BRSK1: variants seen among roughly 807,000 people sequenced by gnomAD.
The protein encoded by BRSK1 is serine/threonine-protein kinase BRSK1.
Under a neutral mutation model 86.2 loss-of-function variants are expected in BRSK1, and 17 were observed. That is an observed-to-expected ratio of 0.20 (90% CI 0.14 to 0.30). The LOEUF is 0.30. Among genes scored for constraint, BRSK1 ranks in the 10% least tolerant of loss-of-function variants. The pLI, the probability that BRSK1 is intolerant of heterozygous loss-of-function variation, is 1.00. For missense variants in BRSK1, 719 were observed against 1,071.9 expected (o/e 0.67, Z 4.60); for synonymous variants, 464 against 440.1 (o/e 1.05, Z -0.68).
Position 55,302,461 on chromosome 19 carries a change from C to T in BRSK1, c.858-236C>T. On this transcript the variant is annotated intron_variant, in intron 9 of 18. Coordinates refer to ENST00000309383, the MANE Select transcript of BRSK1 (RefSeq NM_032430.2). This position sits in a 1 kb window ranked among gnomAD's most constrained non-coding sequence, Gnocchi z 6.3. ...GGGCTGGGGGCCTGGACTTCTGGGT[C>T]TGAAGAAGGAGGGGCCGGGGGCCTG... The T allele has an allele frequency of 1.6e-6, 1 of 617,930 alleles. No individual in the cohort carries two copies. The highest frequency in any genetic ancestry group is 2.8e-6 in the Non-Finnish European group (1 of 357,242). The allele number at this position is 617,930 out of a possible 1,614,324, so 38.3% of individuals were successfully genotyped here.
intron 1 of BRSK1, among the ~76,000 whole-genome samples, chr19:55,286,091 G>C (rs1301202429): frequency 9.0e-6 from 1 of 111,220 alleles, no homozygotes; most frequent in African/African-American, 4.1e-5. Flanking sequence ...GGCCTGGAGT[G>C]CTGGGTCTGA....
chr19:55,298,297 G>A (rs1016777856), intron 7 of BRSK1, among the ~76,000 whole-genome samples: 4 of 132,732 alleles, frequency 3.0e-5, no homozygotes, highest in African/African-American at 1.2e-4. Flanking sequence ...GATCTTCTTC[G>A]CGGCAACCTC....
In BRSK1 at chr19:55,303,164, T is replaced by TG; in HGVS notation, c.1029-147_1029-146insG. On this transcript the variant is annotated intron_variant, in intron 10 of 18. Transcript: ENST00000309383. This position sits in a 1 kb window ranked among gnomAD's most constrained non-coding sequence, Gnocchi z 5.1. Reference sequence around the variant, plus strand: ...AGTGAAACACAGCTGAGATGTACCCTAAACCAGAGAAACTGACCATACTGA... The same window carrying TG: ...AGTGAAACACAGCTGAGATGTACCCTGAAACCAGAGAAACTGACCATACTGA... 1.4e-6 allele frequency: 1 copy of TG among 690,154 alleles called. No individual in the cohort carries two copies. The highest frequency in any genetic ancestry group is 2.5e-6 in the Non-Finnish European group (1 of 407,252). The allele number at this position is 690,154 out of a possible 1,614,324, so 42.8% of individuals were successfully genotyped here.
At chr19:55,298,960 G>A (rs2088530161) in intron 7 of BRSK1, among the ~76,000 whole-genome samples, 1 of 152,156 alleles carries the variant, frequency 6.6e-6, no homozygotes, top group Non-Finnish European at 1.5e-5. Context: ...TAAGCTGGGT[G>A]CGGTGGCTCA....
chr19:55,309,380 G>A (rs2088730084), intron 18 of BRSK1, among the ~76,000 whole-genome samples: 1 of 152,220 alleles, frequency 6.6e-6, no homozygotes, highest in Admixed American at 6.5e-5. Flanking sequence ...AGAGCAGAGG[G>A]TTTGTTGCAA....
intron 4 of BRSK1, among the ~76,000 whole-genome samples, chr19:55,293,732 C>G (rs1381642980): frequency 6.6e-6 from 1 of 151,786 alleles, no homozygotes; most frequent in Non-Finnish European, 1.5e-5. Flanking sequence ...ATCACTTGGA[C>G]CCAGGAGACA....
Position 55,306,129 on chromosome 19 carries a change from C to T in BRSK1, c.1891-123C>T. On this transcript the variant is annotated intron_variant, in intron 16 of 18. Transcript: ENST00000309383. This position sits in a 1 kb window ranked among gnomAD's most constrained non-coding sequence, Gnocchi z 4.7. ...TTGCAGGCAGTGGGGCCTCCCAATG[C>T]ATTTCCTGTCCTTCTTTCCCTCCAG... 1.1e-6 allele frequency: 1 copy of T among 931,160 alleles called. No homozygotes were observed. Among genetic ancestry groups the T allele is most frequent in the East Asian group, 2.6e-5 (1 of 38,142 alleles). The allele number at this position is 931,160 out of a possible 1,614,324, so 57.7% of individuals were successfully genotyped here.
rs2122953296 is a variant in BRSK1 at position 55,294,205 on chromosome 19, C to T, written c.576-9C>T. 2.5e-6 allele frequency: 4 copies of T among 1,613,634 alleles called. No homozygotes were observed. The East Asian group carries it at 6.7e-5, about 27-fold the overall frequency. On this transcript the variant is annotated splice_polypyrimidine_tract_variant and intron_variant, in intron 5 of 18. Transcript: ENST00000309383. The surrounding 1 kb of genome is among the most constrained non-coding windows in gnomAD (Gnocchi z 4.9). ...CTGGCTGGAGGCTCACATCAGCTCT[C>T]TCCCTCAGGTCCCCCCATTATGCGT... is the stretch of plus-strand genomic sequence containing the variant.
At chr19:55,311,231 G>A (rs1396044884) in intron 18 of BRSK1, among the ~76,000 whole-genome samples, 1 of 152,112 alleles carries the variant, frequency 6.6e-6, no homozygotes, top group African/African-American at 2.4e-5. Context: ...CAAAATGCTG[G>A]GATTACAGGC....
rs1463934987 is a variant in BRSK1, at chr19:55,310,243, G to T, written c.2179+1515G>T. Reference sequence around the variant, plus strand: ...CTGCAGGCTAACAGGGTGCCTGGAGGGCTGCACCTGGAGGCTCTCTGGCAG... The same window carrying T: ...CTGCAGGCTAACAGGGTGCCTGGAGTGCTGCACCTGGAGGCTCTCTGGCAG... On this transcript the variant is annotated intron_variant, in intron 18 of 18. Coordinates refer to ENST00000309383, the MANE Select transcript of BRSK1 (RefSeq NM_032430.2). This position sits in a 1 kb window ranked among gnomAD's most constrained non-coding sequence, Gnocchi z 5.0. 6.6e-6 allele frequency among the ~76,000 whole-genome samples: 1 copy of T among 152,218 alleles called. No individual in the cohort carries two copies. Among genetic ancestry groups the T allele is most frequent in the Non-Finnish European group, 1.5e-5 (1 of 68,048 alleles).
intron 7 of BRSK1, among the ~76,000 whole-genome samples, chr19:55,299,081 G>A (rs923785292): frequency 2.0e-5 from 3 of 152,064 alleles, no homozygotes; most frequent in East Asian, 1.9e-4. Flanking sequence ...GCTTGAACCC[G>A]GGAGGCGGAG....
chr19:55,284,288 G>C lies in BRSK1; in HGVS notation c.-155G>C, dbSNP rs1055177235. 2.4e-5 allele frequency: 14 copies of C among 580,808 alleles called. No individual in the cohort carries two copies. In the South Asian group the frequency reaches 4.3e-4, roughly 18 times the overall value. 36.0% of individuals were successfully genotyped at this position (580,808 alleles called of 1,614,324 possible). ...CCCCCAGCTCCGCGGCCCGCCGACT[G>C]GGGGGGGCCAGCCCAGCCCCCTGGG... is the stretch of plus-strand genomic sequence containing the variant. On this transcript the variant is annotated 5_prime_UTR_variant, in exon 1 of 19. Coordinates refer to ENST00000309383, the MANE Select transcript of BRSK1 (RefSeq NM_032430.2).
rs142894930 is a variant in BRSK1 at position 55,302,804 on chromosome 19, G to C, written c.965G>C (p.Ser322Thr). Residue 322 changes from serine (S) to threonine (T), a missense_variant, in exon 10 of 19, where the codon AGC (serine) becomes ACC (threonine). By Grantham distance (58) the Ser-to-Thr change is moderately conservative. Around this residue, in one of 6 missense-constraint regions of BRSK1, gnomAD observed 168 missense variants for 246.3 expected, o/e 0.68. Coordinates refer to ENST00000309383, the MANE Select transcript of BRSK1 (RefSeq NM_032430.2). The surrounding 1 kb of genome is among the most constrained non-coding windows in gnomAD (Gnocchi z 6.3). Reference sequence around the variant, plus strand: ...GAGCTGGACCCCGACGTCCTAGAGAGCATGGCATCACTGGGCTGCTTCAGG... The same window carrying C: ...GAGCTGGACCCCGACGTCCTAGAGACCATGGCATCACTGGGCTGCTTCAGG... ...NGELDPDVLE[S>T]MASLGCFRDR... The C allele has an allele frequency of 1.9e-6, 3 of 1,613,764 alleles. No homozygotes were observed. The African/African-American group carries it at 4.0e-5, about 22-fold the overall frequency.
intron 16 of BRSK1, among the ~76,000 whole-genome samples, chr19:55,305,874 G>A (rs2088643409): frequency 6.6e-6 from 1 of 152,216 alleles, no homozygotes; most frequent in African/African-American, 2.4e-5. Flanking sequence ...CCCAGGCAAT[G>A]TTAAGGCTGC....
rs777515166 is a variant in BRSK1 at position 55,287,119 on chromosome 19, A to G, written c.231+18A>G. 1.7e-6 allele frequency: 2 copies of G among 1,175,174 alleles called. No homozygotes were observed. Among genetic ancestry groups the G allele is most frequent in the East Asian group, 7.4e-5 (2 of 26,884 alleles). The allele number at this position is 1,175,174 out of a possible 1,614,324, so 72.8% of individuals were successfully genotyped here. ...TGATGAAGGTGTGTGCGCCTGCTGC[A>G]GTGTGCCTGCGGGTGGGGGGGCCTC... is the stretch of plus-strand genomic sequence containing the variant. On this transcript the variant is annotated intron_variant, in intron 2 of 18. Transcript: ENST00000309383. This position sits in a 1 kb window ranked among gnomAD's most constrained non-coding sequence, Gnocchi z 5.3.
In BRSK1 at chr19:55,294,286, A is replaced by T; in HGVS notation, c.609+39A>T. 6.2e-7 allele frequency: 1 copy of T among 1,614,164 alleles called. No homozygotes were observed. The highest frequency in any genetic ancestry group is 8.5e-7 in the Non-Finnish European group (1 of 1,180,026). On this transcript the variant is annotated intron_variant, in intron 6 of 18. Coordinates refer to ENST00000309383, the MANE Select transcript of BRSK1 (RefSeq NM_032430.2). The surrounding 1 kb of genome is among the most constrained non-coding windows in gnomAD (Gnocchi z 4.9). ...GGATAGAGGGGAGAGGGGTGGAGGC[A>T]GCAGTGAGGAGCGATGAAGTCACAA... is the stretch of plus-strand genomic sequence containing the variant.
chr19:55,300,120 G>A (rs1419135934), intron 7 of BRSK1, among the ~76,000 whole-genome samples: 1 of 152,162 alleles, frequency 6.6e-6, no homozygotes, highest in East Asian at 1.9e-4. Flanking sequence ...AGTGTCGAGT[G>A]TGTGTCAGGC....
chr19:55,292,910 AG>A (rs976918257), intron 4 of BRSK1, among the ~76,000 whole-genome samples: 1 of 151,866 alleles, frequency 6.6e-6, no homozygotes, highest in Non-Finnish European at 1.5e-5. Flanking sequence ...CAAGAGGCTA[AG>A]GCCAGAGGAT....
chr19:55,296,332 A>C (rs2122958865), intron 7 of BRSK1, among the ~76,000 whole-genome samples: 1 of 152,148 alleles, frequency 6.6e-6, no homozygotes, highest in South Asian at 2.1e-4. Flanking sequence ...GTTTTATTTC[A>C]TTTTGCTGGC....
Sources: gnomAD v4.1 joint callset for allele counts (sites outside exome capture counted in the v4.1 genomes callset) on GRCh38, gnomAD v4.1.1 for gene constraint, gnomAD v4.1.1 regional missense constraint, Gnocchi (gnomAD v3.1) non-coding constraint, MANE v1.5 for transcripts, NCBI Gene and HGNC (gene_info 2026-07-23, HGNC 2026-07-21) for gene names.